The following NAV3 variants were observed in gnomAD, a reference collection of about 807,000 sequenced individuals.
NAV3 encodes pore membrane and/or filament interacting like protein 1.
Under a neutral mutation model 244.7 loss-of-function variants are expected in NAV3, and 87 were observed. That is an observed-to-expected ratio of 0.36 (90% CI 0.30 to 0.42). NAV3 has a LOEUF of 0.42. NAV3 is among the 20% of genes least tolerant of loss of function. The pLI is 1.00. For synonymous variants in NAV3, 1,126 were observed against 1,042.2 expected, an observed-to-expected ratio of 1.08 and a Z score of -1.55; for missense variants, 2,663 against 2,893.3, an observed-to-expected ratio of 0.92 and a Z score of 1.83.
intron 15 of NAV3, among the ~76,000 whole-genome samples, chr12:78,120,512 G>A (rs1051350175): frequency 6.6e-6 from 1 of 152,134 alleles, no homozygotes; most frequent in Non-Finnish European, 1.5e-5. Flanking sequence ...TCCAGTGTTT[G>A]GTACAGTATC....
chr12:77,653,143 T>G (rs75098865), intron 2 of NAV3, among the ~76,000 whole-genome samples: 8,116 of 152,284 alleles, frequency 0.053, 511 homozygotes, highest in African/African-American at 0.16. Context: ...TAGCAAAAGC[T>G]GATTCTATGA....
intron 2 of NAV3, among the ~76,000 whole-genome samples, chr12:77,719,239 A>G (rs1001429866): frequency 2.0e-5 from 3 of 152,064 alleles, no homozygotes; most frequent in Admixed American, 2.0e-4. Context: ...TACATTTATG[A>G]GTATATCATC....
intron 18 of NAV3, among the ~76,000 whole-genome samples, chr12:78,129,561 A>T (rs1956072236): frequency 6.6e-6 from 1 of 152,180 alleles, no homozygotes. Flanking sequence ...CATTAAAAGC[A>T]CTCTGAGTAA....
At chr12:77,590,105 G>A (rs766921910) in intron 2 of NAV3, among the ~76,000 whole-genome samples, 1 of 152,136 alleles carries the variant, frequency 6.6e-6, no homozygotes, top group Admixed American at 6.5e-5. Flanking sequence ...GGAAGAAAAA[G>A]TTGTCTATGT....
chr12:78,105,535 A>G (rs1487788979), intron 12 of NAV3, among the ~76,000 whole-genome samples: 1 of 152,084 alleles, frequency 6.6e-6, no homozygotes, highest in Non-Finnish European at 1.5e-5. Flanking sequence ...GGGATATTTG[A>G]AACTTTTCTT....
At chr12:77,572,128 T>C (rs1868857067) in exon 2 of NAV3, 1 of 154,302 alleles carries the variant, frequency 6.5e-6, no homozygotes. Context: ...TTCCTAGAAA[T>C]TGCATCTTGG....
In NAV3 at chr12:78,041,832, G is replaced by A. The variant is rs142807780; in HGVS notation, c.2024-8161G>A. Among the ~76,000 whole-genome samples, 529 of 152,296 alleles carry A rather than the reference G, an allele frequency of 3.5e-3. 1 individual carries two copies. Among genetic ancestry groups the A allele is most frequent in the Non-Finnish European group, 5.6e-3 (384 of 68,014 alleles). ...AGGAAGTAAATTAACAGATTAAATA[G>A]TTAGCTATATTCCTAAAACAGATTA... is the stretch of plus-strand genomic sequence containing the variant. On this transcript the variant is annotated intron_variant, in intron 9 of 39. Transcript: ENST00000397909.
chr12:77,835,024 G>T (rs1382542369), intron 1 of NAV3, among the ~76,000 whole-genome samples: 1 of 152,058 alleles, frequency 6.6e-6, no homozygotes, highest in Non-Finnish European at 1.5e-5. Context: ...TCATTTTCAT[G>T]TAAAGGAAAT....
At chr12:78,034,533 A>C (rs1879525953) in intron 9 of NAV3, among the ~76,000 whole-genome samples, 1 of 152,252 alleles carries the variant, frequency 6.6e-6, no homozygotes, top group African/African-American at 2.4e-5. Flanking sequence ...ATGTATAAGC[A>C]GTCTTGAATA....
In NAV3 at chr12:78,004,821, G is replaced by A. The variant is rs1274140717; in HGVS notation, c.881-1598G>A. Among the ~76,000 whole-genome samples, 5 of 152,160 alleles carry A rather than the reference G, an allele frequency of 3.3e-5. No individual in the cohort carries two copies. In the South Asian group the frequency reaches 1.0e-3, roughly 32 times the overall value. On this transcript the variant is annotated intron_variant, in intron 7 of 39. Coordinates refer to ENST00000397909, the MANE Select transcript of NAV3 (RefSeq NM_001024383.2). ...GGACAGATTTAGAGCGGAGCTTCAG[G>A]AAGTATCTTATATGTGTGTACTCGC...
chr12:78,195,161 A>G (rs1164189586), intron 34 of NAV3, among the ~76,000 whole-genome samples: 1 of 151,982 alleles, frequency 6.6e-6, no homozygotes, highest in East Asian at 1.9e-4. Flanking sequence ...CAAACATATC[A>G]ATGTTCCACA....
chr12:78,021,794 G>C lies in NAV3; in HGVS notation c.1955G>C (p.Cys652Ser), dbSNP rs779043567. ...ACCGCTTTACCATCGGCTGACTCCT[G>C]TACCAGTCCTACAAAGATGGACTTA... ...EGTALPSADS[C>S]TSPTKMDLSY... Residue 652 changes from cysteine (C) to serine (S), a missense_variant, in exon 9 of 40, where the codon TGT becomes TCT. Physicochemically the swap from Cys to Ser is moderately radical, Grantham distance 112. Coordinates refer to ENST00000397909, the MANE Select transcript of NAV3 (RefSeq NM_001024383.2). The C allele has an allele frequency of 6.2e-7, 1 of 1,611,042 alleles. No homozygotes were observed. The highest frequency in any genetic ancestry group is 8.5e-7 in the Non-Finnish European group (1 of 1,178,316).
intron 2 of NAV3, among the ~76,000 whole-genome samples, chr12:77,639,106 C>T (rs1030806185): frequency 3.3e-5 from 5 of 152,110 alleles, no homozygotes; most frequent in Non-Finnish European, 7.4e-5. Context: ...GGCAAAATGC[C>T]TGTTGAGATT....
chr12:78,208,417 C>T (rs1381545856), intron 39 of NAV3, among the ~76,000 whole-genome samples: 1 of 152,090 alleles, frequency 6.6e-6, no homozygotes, highest in Non-Finnish European at 1.5e-5. Flanking sequence ...TGATATATCA[C>T]ACGCAAACCA....
intron 2 of NAV3, among the ~76,000 whole-genome samples, chr12:77,697,308 T>A (rs1336247735): frequency 1.3e-5 from 2 of 152,152 alleles, no homozygotes; most frequent in Non-Finnish European, 2.9e-5. Context: ...GTGGGGCATC[T>A]GCCAACAGTG....
chr12:78,149,998 A>G (rs149121874), intron 22 of NAV3, among the ~76,000 whole-genome samples: 47 of 152,224 alleles, frequency 3.1e-4, no homozygotes, highest in African/African-American at 1.0e-3. Flanking sequence ...ATTTATTTTT[A>G]ATAGATGGTG....
At position 77,816,458 on chromosome 12, in the gene NAV3, G is replaced by C. The variant is rs77359868; in HGVS notation, c.73-123861G>C. On this transcript the variant is annotated intron_variant, in intron 2 of 8. Coordinates refer to the NAV3 transcript ENST00000550042. Reference sequence around the variant, plus strand: ...GAAGTCATTTGACTCTCTTTCCTTTGAGTTAATTATTAAGTACTATCCAGA... The same window carrying C: ...GAAGTCATTTGACTCTCTTTCCTTTCAGTTAATTATTAAGTACTATCCAGA... 6.9e-3 allele frequency among the ~76,000 whole-genome samples: 1,044 copies of C among 152,266 alleles called. 10 individuals are homozygous for C. Among genetic ancestry groups the C allele is most frequent in the African/African-American group, 0.023 (975 of 41,552 alleles).
chr12:78,117,538 A>G (rs1453273779), intron 13 of NAV3, among the ~76,000 whole-genome samples: 1 of 148,962 alleles, frequency 6.7e-6, no homozygotes, highest in Non-Finnish European at 1.5e-5. Context: ...ACTTAATATA[A>G]TATATATTCA....
At chr12:77,608,592 C>T (rs182722010) in intron 2 of NAV3, among the ~76,000 whole-genome samples, 3 of 152,088 alleles carry the variant, frequency 2.0e-5, no homozygotes, top group Non-Finnish European at 4.4e-5. Flanking sequence ...TGAGGTCACA[C>T]CTTCTTATAT....
Sources: allele counts gnomAD v4.1 joint callset (sites outside exome capture counted in the v4.1 genomes callset), GRCh38; gene constraint gnomAD v4.1.1; transcripts MANE v1.5; gene names NCBI Gene and HGNC (gene_info 2026-07-23, HGNC 2026-07-21).